PRICKLE1: variants seen among roughly 807,000 people sequenced by gnomAD.
PRICKLE1 encodes the protein prickle planar cell polarity protein 1.
In PRICKLE1, 14 loss-of-function variants were observed where a neutral mutation model predicts 70.2. The ratio of observed to expected loss-of-function variants is 0.20; its 90% CI spans 0.13 to 0.31. The LOEUF (loss-of-function observed/expected upper bound fraction) is 0.31. PRICKLE1 is among the 10% of genes least tolerant of loss of function. The probability of loss-of-function intolerance (pLI) is 1.00; values close to 1 mark genes in which losing one functional copy is unlikely to be tolerated. For missense variants in PRICKLE1, 821 were observed against 1,026.2 expected (o/e 0.80, Z 2.73); for synonymous variants, 357 against 379.9 (o/e 0.94, Z 0.70).
intron 6 of PRICKLE1, chr12:42,465,726 T>G: frequency 3.6e-6 from 1 of 274,128 alleles, no homozygotes; most frequent in Non-Finnish European, 7.0e-6. Flanking sequence ...AAGAAGGCTG[T>G]GATGTGCCTT....
rs1257005975 is a variant in PRICKLE1, at chr12:42,458,126, T to G, written c.*1683A>C. ...TACTCGCTGGTTTACCCATTGGACT[T>G]GTGTCTGTCCTCCCTAAGGCCAAAT... On this transcript the variant is annotated 3_prime_UTR_variant, in exon 8 of 8. Coordinates refer to ENST00000345127, the MANE Select transcript of PRICKLE1 (RefSeq NM_153026.3). 2.0e-5 allele frequency: 3 copies of G among 152,204 alleles called. No individual in the cohort carries two copies. The highest frequency in any genetic ancestry group is 2.9e-5 in the Non-Finnish European group (2 of 68,050). The allele number at this position is 152,204 out of a possible 1,614,324, so 9.4% of individuals were successfully genotyped here.
At chr12:42,490,620 A>G (rs1796340) in intron 1 of PRICKLE1, among the ~76,000 whole-genome samples, 23,674 of 152,112 alleles carry the variant, frequency 0.16, 2,505 homozygotes, top group African/African-American at 0.31. Context: ...GTGTCTGAGG[A>G]CGTGATTTCT....
chr12:42,567,199 A>T (rs1305860060), intron 1 of PRICKLE1, among the ~76,000 whole-genome samples: 1 of 152,198 alleles, frequency 6.6e-6, no homozygotes, highest in African/African-American at 2.4e-5. Flanking sequence ...ATTATTGAAC[A>T]AATATTTACT....
At chr12:42,514,984 G>A (rs764081196) in intron 1 of PRICKLE1, among the ~76,000 whole-genome samples, 8 of 151,662 alleles carry the variant, frequency 5.3e-5, no homozygotes, top group South Asian at 2.1e-4. Context: ...GTAGGAGTGC[G>A]GTGGCATGAT....
At chr12:42,559,435 C>T (rs906683536) in intron 1 of PRICKLE1, among the ~76,000 whole-genome samples, 15 of 151,806 alleles carry the variant, frequency 9.9e-5, no homozygotes, top group African/African-American at 3.6e-4. Flanking sequence ...GGCTGGAGTG[C>T]AGTGGTGCGA....
intron 1 of PRICKLE1, among the ~76,000 whole-genome samples, chr12:42,578,922 A>G (rs951516036): frequency 2.6e-5 from 4 of 151,990 alleles, no homozygotes; most frequent in Admixed American, 6.6e-5. Flanking sequence ...CAACCACGCC[A>G]GGCTAATTTT....
intron 1 of PRICKLE1, among the ~76,000 whole-genome samples, chr12:42,486,469 C>G (rs539031108): frequency 3.3e-5 from 5 of 152,310 alleles, no homozygotes; most frequent in African/African-American, 1.2e-4. Flanking sequence ...AAGTCTGTTT[C>G]TAATCTAAAG....
chr12:42,491,941 G>A (rs562119516), intron 1 of PRICKLE1, among the ~76,000 whole-genome samples: 178 of 151,620 alleles, frequency 1.2e-3, no homozygotes, highest in African/African-American at 4.2e-3. Context: ...CCGCCGCCAC[G>A]CCCGGCTAAT....
intron 1 of PRICKLE1, among the ~76,000 whole-genome samples, chr12:42,541,908 T>C (rs1416207158): frequency 6.6e-6 from 1 of 152,164 alleles, no homozygotes; most frequent in Non-Finnish European, 1.5e-5. Flanking sequence ...CCTCTAGCCA[T>C]AGGGTTCAGG....
intron 3 of PRICKLE1, 154 bp downstream of exon 3, chr12:42,470,092 G>T (rs1566085790): frequency 1.6e-6 from 1 of 644,550 alleles, no homozygotes; most frequent in East Asian, 2.8e-5. Flanking sequence ...TTCTCTCAAA[G>T]AATGGAAAGC....
rs139537931 is a variant in PRICKLE1 at position 42,582,499 on chromosome 12, T to C, written c.-49+6966A>G. Among the ~76,000 whole-genome samples, 19 of 152,346 alleles carry C rather than the reference T, an allele frequency of 1.2e-4. 1 individual carries two copies. The highest frequency in any genetic ancestry group is 3.8e-4 in the African/African-American group (16 of 41,580). On this transcript the variant is annotated intron_variant, in intron 1 of 7. Coordinates refer to ENST00000345127, the MANE Select transcript of PRICKLE1 (RefSeq NM_153026.3). ...ATCTCTTTCTAAAAATTATGTAACA[T>C]GCATATACTTCAAGCACTGAACATA...
intron 1 of PRICKLE1, among the ~76,000 whole-genome samples, chr12:42,564,220 C>A (rs1164931671): frequency 3.5e-5 from 5 of 142,308 alleles, no homozygotes; most frequent in African/African-American, 1.1e-4. Context: ...CACGCCACTG[C>A]ACTCCAGCTT....
At chr12:42,521,466 G>A (rs954615481) in intron 1 of PRICKLE1, among the ~76,000 whole-genome samples, 4 of 152,096 alleles carry the variant, frequency 2.6e-5, no homozygotes, top group South Asian at 2.1e-4. Flanking sequence ...TTGGGAGGCC[G>A]AGGTGGGAGG....
In PRICKLE1 at chr12:42,511,859, T is replaced by C. The variant is rs549832875; in HGVS notation, c.-48-39295A>G. 2.6e-5 allele frequency among the ~76,000 whole-genome samples: 4 copies of C among 152,346 alleles called. No homozygotes were observed. In the South Asian group the frequency reaches 8.3e-4, roughly 32 times the overall value. ...TATTGTGCTCTGTACATTTCTAGGA[T>C]GCAAAGAATGCTTGAAAAAACAAGG... On this transcript the variant is annotated intron_variant, in intron 1 of 7. Transcript: ENST00000345127.
At chr12:42,579,597 T>G (rs1940864174) in intron 1 of PRICKLE1, among the ~76,000 whole-genome samples, 1 of 152,210 alleles carries the variant, frequency 6.6e-6, no homozygotes. Context: ...GAATTTTCCA[T>G]TCTGAGACCC....
chr12:42,470,238 T>C lies in PRICKLE1; in HGVS notation c.246+8A>G, dbSNP rs1167803819. ...TTTTTCTAATTAGCCTTCTTCCTGC[T>C]ATTTTACCTCATTATCATGTGGTGG... On this transcript the variant is annotated splice_region_variant and intron_variant, in intron 3 of 7. Coordinates refer to ENST00000345127, the MANE Select transcript of PRICKLE1 (RefSeq NM_153026.3). The C allele has an allele frequency of 4.5e-6, 7 of 1,566,962 alleles. No individual in the cohort carries two copies. The highest frequency in any genetic ancestry group is 6.2e-6 in the Non-Finnish European group (7 of 1,137,196).
rs75717162 is a variant in PRICKLE1 at position 42,490,503 on chromosome 12, G to A, written c.-48-17939C>T. ...TTAAGCAGAGAAGAGTGACATGGTC[G>A]TATTTATGCCCTAATTAGAGGGAGA... On this transcript the variant is annotated intron_variant, in intron 1 of 7. Coordinates refer to ENST00000345127, the MANE Select transcript of PRICKLE1 (RefSeq NM_153026.3). Among the ~76,000 whole-genome samples, 773 of 152,280 alleles carry A rather than the reference G, an allele frequency of 5.1e-3. 5 individuals carry two copies. Among genetic ancestry groups the A allele is most frequent in the African/African-American group, 0.018 (743 of 41,552 alleles).
At chr12:42,513,246 G>A (rs1939547583) in intron 1 of PRICKLE1, among the ~76,000 whole-genome samples, 1 of 152,084 alleles carries the variant, frequency 6.6e-6, no homozygotes, top group East Asian at 1.9e-4. Flanking sequence ...ACAGGGGTGA[G>A]CCACCGCAGC....
At chr12:42,527,044 G>C (rs1195561615) in intron 1 of PRICKLE1, among the ~76,000 whole-genome samples, 1 of 150,684 alleles carries the variant, frequency 6.6e-6, no homozygotes, top group Non-Finnish European at 1.5e-5. Flanking sequence ...GACTAGAGCA[G>C]TTGATAAAGG....
Sources: gnomAD v4.1 joint callset for allele counts (sites outside exome capture counted in the v4.1 genomes callset) on GRCh38, gnomAD v4.1.1 for gene constraint, MANE v1.5 for transcripts, NCBI Gene and HGNC (gene_info 2026-07-23, HGNC 2026-07-21) for gene names.